The following A1CF variants were observed in gnomAD, a reference collection of about 807,000 sequenced individuals.
The protein encoded by A1CF is APOBEC-1 stimulating protein.
A neutral mutation model predicts 68.9 loss-of-function variants in A1CF; 48 were observed. The ratio of observed to expected loss-of-function variants is 0.70; its 90% confidence interval spans 0.55 to 0.89. The LOEUF is 0.89. Among genes scored for constraint, A1CF ranks in the 40% least tolerant of loss-of-function variants. The probability of loss-of-function intolerance (pLI) is 0.00; values close to 1 mark genes in which losing one functional copy is unlikely to be tolerated. For synonymous variants in A1CF, 272 were observed against 260.4 expected, an observed-to-expected ratio of 1.04 and a Z score of -0.43; for missense variants, 653 against 718.9, an observed-to-expected ratio of 0.91 and a Z score of 1.05.
intron 1 of A1CF, among the ~76,000 whole-genome samples, chr10:50,869,660 A>G (rs1789195450): frequency 6.6e-6 from 1 of 152,192 alleles, no homozygotes; most frequent in Admixed American, 6.5e-5. Flanking sequence ...CAGTACAGCT[A>G]ATCAAATCAA....
At chr10:50,878,859 C>G (rs918463089) in intron 1 of A1CF, among the ~76,000 whole-genome samples, 4 of 152,148 alleles carry the variant, frequency 2.6e-5, no homozygotes, top group Non-Finnish European at 4.4e-5. Flanking sequence ...GTGTGATACT[C>G]AAATGACTTT....
At chr10:50,883,537 G>C (rs778845484) in intron 1 of A1CF, among the ~76,000 whole-genome samples, 1 of 152,180 alleles carries the variant, frequency 6.6e-6, no homozygotes, top group African/African-American at 2.4e-5. Context: ...AAGTCCTTTA[G>C]ATTTTTCAAC....
chr10:50,827,410 G>T (rs2132389424), intron 7 of A1CF, among the ~76,000 whole-genome samples: 1 of 152,214 alleles, frequency 6.6e-6, no homozygotes, highest in East Asian at 1.9e-4. Flanking sequence ...AAATGTAAAA[G>T]AACAGAAATT....
intron 3 of A1CF, chr10:50,850,591 T>C: frequency 1.3e-6 from 2 of 1,534,534 alleles, no homozygotes; most frequent in Admixed American, 3.4e-5. Context: ...ACAAAAAGCA[T>C]TTGTGTGTGT....
chr10:50,833,745 G>T (rs145970846), intron 6 of A1CF, among the ~76,000 whole-genome samples: 2 of 152,302 alleles, frequency 1.3e-5, no homozygotes, highest in Admixed American at 6.5e-5. Flanking sequence ...CCAAATGGGT[G>T]ATAGGTTTTG....
Position 50,809,928 on chromosome 10 carries a change from C to A in A1CF, c.1575G>T (p.Met525Ile). 1 of 1,614,010 alleles carries A rather than the reference C, an allele frequency of 6.2e-7. No individual in the cohort carries two copies. The highest frequency in any genetic ancestry group is 2.2e-5 in the East Asian group (1 of 44,856). ...CAGTAGCAGCAGCAGCAGCAGTAGC[C>A]ATGGTGCCATCGCCTCCATCAGTGG... is the stretch of plus-strand genomic sequence containing the variant. ...GIPTDGGDGT[M>I]ATAAAAATAF... Residue 525 changes from methionine to isoleucine, a missense_variant, in exon 12 of 13, where the codon ATG becomes ATT. By Grantham distance (10) the Met-to-Ile change is conservative (BLOSUM62 1). Coordinates refer to ENST00000373997, the MANE Select transcript of A1CF (RefSeq NM_014576.4).
rs370391391 is a variant in A1CF, at chr10:50,858,749, A to G, written c.99+1093T>C. Among the ~76,000 whole-genome samples the G allele has an allele frequency of 3.5e-4, 53 of 152,272 alleles. 2 individuals carry two copies. The South Asian group carries it at 9.9e-3, about 29-fold the overall frequency. On this transcript the variant is annotated intron_variant, in intron 3 of 12. Transcript: ENST00000373997. The stretch of plus-strand genomic sequence containing the variant: ...AAAAAGAAAGAAAACCCTCTTTTCA[A>G]AAGTTTAATGAGTCTAAAATAATTT...
intron 1 of A1CF, among the ~76,000 whole-genome samples, chr10:50,865,071 C>A (rs948969604): frequency 6.6e-6 from 1 of 152,050 alleles, no homozygotes; most frequent in African/African-American, 2.4e-5. Flanking sequence ...GAGTTCCAGA[C>A]CAGCCTGGGT....
rs142969066 is a variant in A1CF, at chr10:50,844,114, T to C, written c.108A>G (p.Gly36=). Residue 36 remains glycine, a synonymous_variant, in exon 4 of 13, where the codon GGA becomes GGG. Coordinates refer to ENST00000373997, the MANE Select transcript of A1CF (RefSeq NM_014576.4). The part of the protein sequence containing the change: ...RTGYSLVQEN[G]QRKYGGPPPG... ...GTGGAGGGCCACCATATTTTCTTTG[T>C]CCATTTTCCTGCAAATCCAGGGCAG... is the stretch of plus-strand genomic sequence containing the variant. The C allele has an allele frequency of 6.6e-3, 10,667 of 1,611,596 alleles. 58 individuals are homozygous for C. The highest frequency in any genetic ancestry group is 7.6e-3 in the Non-Finnish European group (8,939 of 1,179,366).
At chr10:50,883,077 A>G (rs1011215478) in intron 1 of A1CF, among the ~76,000 whole-genome samples, 1 of 152,202 alleles carries the variant, frequency 6.6e-6, no homozygotes, top group East Asian at 1.9e-4. Context: ...TAAATGGAAT[A>G]GTGCTACTAT....
chr10:50,813,331 T>C (rs901353145), intron 10 of A1CF, among the ~76,000 whole-genome samples: 1 of 152,356 alleles, frequency 6.6e-6, no homozygotes. Context: ...CTCTCTGTAA[T>C]GCCACTGCCA....
chr10:50,835,822 G>C (rs556554823), intron 6 of A1CF, among the ~76,000 whole-genome samples: 3 of 152,094 alleles, frequency 2.0e-5, no homozygotes, highest in African/African-American at 4.8e-5. Flanking sequence ...TTCATCAAAG[G>C]ATTGCTGTAC....
intron 4 of A1CF, among the ~76,000 whole-genome samples, chr10:50,842,848 G>A (rs957280258): frequency 6.6e-6 from 1 of 152,118 alleles, no homozygotes; most frequent in African/African-American, 2.4e-5. Flanking sequence ...CTGTCTGCTG[G>A]CTGAATGTAA....
At chr10:50,823,174 A>ATATTTAAAAACTTAGCC (rs1838757200) in intron 7 of A1CF, among the ~76,000 whole-genome samples, 1 of 152,160 alleles carries the variant, frequency 6.6e-6, no homozygotes, top group Admixed American at 6.6e-5. Flanking sequence ...GGAAAATTTG[A>ATATTTAAAAACTTAGCC]TATTTAAAAA....
At chr10:50,885,063 G>A (rs1310105965) in intron 1 of A1CF, among the ~76,000 whole-genome samples, 3 of 152,178 alleles carry the variant, frequency 2.0e-5, no homozygotes, top group Non-Finnish European at 4.4e-5. Context: ...GATAATGGCA[G>A]GCGGAATCGC....
At chr10:50,825,731 A>C (rs1319160872) in intron 7 of A1CF, among the ~76,000 whole-genome samples, 2 of 152,140 alleles carry the variant, frequency 1.3e-5, no homozygotes, top group African/African-American at 2.4e-5. Flanking sequence ...TATTGACAAG[A>C]TGAGTAGCAA....
chr10:50,876,893 A>G (rs1199895709), intron 1 of A1CF, among the ~76,000 whole-genome samples: 1 of 152,222 alleles, frequency 6.6e-6, no homozygotes, highest in Non-Finnish European at 1.5e-5. Flanking sequence ...TATTGCCTAT[A>G]TATACATATA....
chr10:50,880,853 C>T (rs1841736947), intron 1 of A1CF, among the ~76,000 whole-genome samples: 1 of 152,186 alleles, frequency 6.6e-6, no homozygotes, highest in South Asian at 2.1e-4. Context: ...ATATCTTTCA[C>T]TGTGTTAGTC....
chr10:50,836,426 G>A, intron 5 of A1CF, 114 bp from the exon 6 acceptor site: 1 of 1,131,502 alleles, frequency 8.8e-7, no homozygotes, highest in Middle Eastern at 2.4e-4. Context: ...GGTTCATAGT[G>A]TTGAAACCAT....
Sources: gnomAD v4.1 joint callset for allele counts (sites outside exome capture counted in the v4.1 genomes callset) on GRCh38, gnomAD v4.1.1 for gene constraint, MANE v1.5 for transcripts, NCBI Gene and HGNC (gene_info 2026-07-23, HGNC 2026-07-21) for gene names.